Variants in PRIMPOL observed in about 807,000 individuals in gnomAD.
The protein encoded by PRIMPOL is DNA-directed primase/polymerase protein.
Under a neutral mutation model 63.6 loss-of-function variants are expected in PRIMPOL, and 54 were observed. The ratio of observed to expected loss-of-function variants is 0.85; its 90% CI spans 0.68 to 1.07. The LOEUF (loss-of-function observed/expected upper bound fraction) is 1.07, where lower values mean the gene tolerates loss of function less well. Among genes scored for constraint, PRIMPOL ranks in the 50% least tolerant of loss-of-function variants. The probability of loss-of-function intolerance (pLI) is 0.00; values close to 1 mark genes in which losing one functional copy is unlikely to be tolerated. For missense variants in PRIMPOL, 610 were observed against 648.3 expected, an observed-to-expected ratio of 0.94 and a Z score of 0.64; for synonymous variants, 197 against 220.2, an observed-to-expected ratio of 0.89 and a Z score of 0.93.
intron 11 of PRIMPOL, among the ~76,000 whole-genome samples, chr4:184,687,726 G>A (rs1041480940): frequency 3.9e-5 from 6 of 151,900 alleles, no homozygotes; most frequent in African/African-American, 7.3e-5. Flanking sequence ...GCAATTCTCC[G>A]GCCTCAGCCT....
chr4:184,653,369 C>T (rs979480412), intron 2 of PRIMPOL, among the ~76,000 whole-genome samples: 3 of 152,136 alleles, frequency 2.0e-5, no homozygotes, highest in African/African-American at 7.2e-5. Context: ...TATAGTTACT[C>T]GAAAAGAACT....
chr4:184,658,900 T>C lies in PRIMPOL; in HGVS notation c.181-440T>C, dbSNP rs1747418105. ...TCCGGCCTGGGCAACAGAGCAAGAC[T>C]CTGTTTCAAAAAAAAAAAAAAAAGG... On this transcript the variant is annotated intron_variant, in intron 3 of 13. Transcript: ENST00000314970. 1.5e-5 allele frequency among the ~76,000 whole-genome samples: 2 copies of C among 134,188 alleles called. 1 individual carries two copies. The highest frequency in any genetic ancestry group is 4.7e-4 in the South Asian group (2 of 4,250). The allele number at this position is 134,188 out of a possible 152,430, so 88.0% of individuals were successfully genotyped here.
intron 13 of PRIMPOL, 34 bp downstream of exon 13, chr4:184,691,746 A>G (rs1758600690): frequency 7.7e-6 from 12 of 1,549,932 alleles, no homozygotes; most frequent in Non-Finnish European, 1.1e-5. Flanking sequence ...TCTCCTTACC[A>G]GGGAGTTCTT....
At chr4:184,673,943 G>A (rs1398849696) in intron 7 of PRIMPOL, among the ~76,000 whole-genome samples, 1 of 152,214 alleles carries the variant, frequency 6.6e-6, no homozygotes, top group Non-Finnish European at 1.5e-5. Flanking sequence ...CAGCCACACG[G>A]GCAGAGGCAC....
intron 6 of PRIMPOL, among the ~76,000 whole-genome samples, chr4:184,668,622 G>A (rs1457553215): frequency 6.6e-6 from 1 of 152,258 alleles, no homozygotes. Flanking sequence ...TTAGGATTCT[G>A]TAGACGTCAA....
chr4:184,669,399 G>A (rs1197778880), intron 6 of PRIMPOL, among the ~76,000 whole-genome samples: 1 of 152,198 alleles, frequency 6.6e-6, no homozygotes, highest in Non-Finnish European at 1.5e-5. Flanking sequence ...ATGCCCAGTG[G>A]TATCTGAATA....
At chr4:184,670,470 C>A (rs1751270387) in intron 6 of PRIMPOL, among the ~76,000 whole-genome samples, 1 of 152,066 alleles carries the variant, frequency 6.6e-6, no homozygotes, top group Non-Finnish European at 1.5e-5. Context: ...ATTGCAAGCA[C>A]CAAATGCTTT....
intron 13 of PRIMPOL, among the ~76,000 whole-genome samples, chr4:184,693,396 A>C (rs1014133910): frequency 1.3e-5 from 2 of 152,152 alleles, no homozygotes; most frequent in Non-Finnish European, 2.9e-5. Context: ...GTAACACCTC[A>C]AAAATGCCAA....
intron 9 of PRIMPOL, among the ~76,000 whole-genome samples, chr4:184,682,937 C>A (rs530514238): frequency 3.3e-5 from 5 of 152,158 alleles, no homozygotes; most frequent in Admixed American, 3.3e-4. Context: ...GTAGTCCCAG[C>A]CACTCAGGAG....
chr4:184,667,546 G>T (rs1750392353), intron 6 of PRIMPOL, among the ~76,000 whole-genome samples: 1 of 152,198 alleles, frequency 6.6e-6, no homozygotes, highest in Non-Finnish European at 1.5e-5. Flanking sequence ...CCCTGACCTT[G>T]TGATCTGCCC....
In PRIMPOL at chr4:184,659,443, T is replaced by G; in HGVS notation, c.278+6T>G. On this transcript the variant is annotated splice_donor_region_variant and intron_variant, in intron 4 of 13. Transcript: ENST00000314970. ...TGGTTTTACTATAAATCCAGGTAGG[T>G]AGCATGCAGCAGAACCACACATTAA... 6.3e-7 allele frequency: 1 copy of G among 1,580,310 alleles called. No homozygotes were observed. Among genetic ancestry groups the G allele is most frequent in the Middle Eastern group, 1.7e-4 (1 of 6,010 alleles).
chr4:184,661,949 T>C (rs13132811), intron 5 of PRIMPOL, 46 bp downstream of exon 5: 2 of 1,548,682 alleles, frequency 1.3e-6, no homozygotes, highest in African/African-American at 1.4e-5. Context: ...CATCTCTTCA[T>C]TGGCTTATTC....
intron 7 of PRIMPOL, among the ~76,000 whole-genome samples, chr4:184,676,292 C>T (rs1753305072): frequency 7.0e-6 from 1 of 142,708 alleles, no homozygotes; most frequent in African/African-American, 2.7e-5. Flanking sequence ...TCTTTCTTCC[C>T]TCCCCTCCCC....
rs13108061 is a variant in PRIMPOL at position 184,657,075 on chromosome 4, G to T, written c.-59-7G>T. On this transcript the variant is annotated splice_region_variant and splice_polypyrimidine_tract_variant and intron_variant, in intron 2 of 13. Transcript: ENST00000314970. ...TTAATGGCCTTTTTGTTTGTTGTTT[G>T]TTTTAGTAGTAATTGATAGAAATAT... 0.56 allele frequency: 671,861 copies of T among 1,201,306 alleles called. 192,960 individuals carry two copies. Among genetic ancestry groups the T allele is most frequent in the Non-Finnish European group, 0.6 (535,683 of 898,920 alleles). 74.4% of individuals were successfully genotyped at this position (1,201,306 alleles called of 1,614,324 possible).
chr4:184,678,466 AC>A, intron 8 of PRIMPOL, 72 bp downstream of exon 8: 1 of 1,080,714 alleles, frequency 9.3e-7, no homozygotes, highest in Non-Finnish European at 1.3e-6. Flanking sequence ...ATTGTATATT[AC>A]TAAAATGTAA....
chr4:184,691,879 A>C (rs1038226022), intron 13 of PRIMPOL, among the ~76,000 whole-genome samples, 167 bp downstream of exon 13: 1 of 137,330 alleles, frequency 7.3e-6, no homozygotes. Context: ...ATTTCAGCAC[A>C]TATCTGATAA....
chr4:184,666,747 C>T (rs187468062), intron 6 of PRIMPOL, among the ~76,000 whole-genome samples: 39 of 152,276 alleles, frequency 2.6e-4, no homozygotes, highest in African/African-American at 7.0e-4. Context: ...TTTGGGGCTT[C>T]GGTCCCAGGT....
rs1378945937 is a variant in PRIMPOL at position 184,691,702 on chromosome 4, TTTTCAAAGAGG to T, written c.1417_1425+2del. On this transcript the variant is annotated splice_donor_variant and coding_sequence_variant, in exon 13 of 14. Coordinates refer to ENST00000314970, the MANE Select transcript of PRIMPOL (RefSeq NM_152683.4). LOFTEE classifies it high-confidence loss of function. ...CCTGCTGAAGTATGTCTCCTGTTTC[TTTTCAAAGAGG>T]TAAGTACAGATTTTAGTGTCTTTCT... is the stretch of plus-strand genomic sequence containing the variant. The T allele has an allele frequency of 4.3e-6, 7 of 1,611,820 alleles. No individual in the cohort carries two copies. Among genetic ancestry groups the T allele is most frequent in the Non-Finnish European group, 5.9e-6 (7 of 1,178,388 alleles).
intron 6 of PRIMPOL, among the ~76,000 whole-genome samples, chr4:184,668,551 G>A (rs1266474738): frequency 6.6e-6 from 1 of 152,032 alleles, no homozygotes; most frequent in Non-Finnish European, 1.5e-5. Context: ...CTAGTCCATG[G>A]GCCTTTGAAC....
Sources: gnomAD v4.1 joint callset for allele counts (sites outside exome capture counted in the v4.1 genomes callset) on GRCh38, gnomAD v4.1.1 for gene constraint, MANE v1.5 for transcripts, NCBI Gene and HGNC (gene_info 2026-07-23, HGNC 2026-07-21) for gene names.